Variants in ZFYVE1 observed in about 807,000 individuals in gnomAD.
ZFYVE1 encodes zinc finger FYVE-type containing 1.
In ZFYVE1, 30 loss-of-function variants were observed where a neutral mutation model predicts 74.4. The observed-to-expected ratio is 0.40, with a 90% CI of 0.30 to 0.55. The LOEUF is 0.55. Ranked by LOEUF, ZFYVE1 falls within the 20% of genes least tolerant of loss-of-function variation. The probability of loss-of-function intolerance (pLI) is 0.42; values close to 1 mark genes in which losing one functional copy is unlikely to be tolerated. For synonymous variants in ZFYVE1, 335 were observed against 385.1 expected (o/e 0.87, Z 1.52); for missense variants, 703 against 1,011.6 (o/e 0.69, Z 4.14).
intron 2 of ZFYVE1, 48 bp downstream of exon 2, chr14:73,023,978 A>G: frequency 6.3e-7 from 1 of 1,577,730 alleles, no homozygotes. Flanking sequence ...GCTTCCAACA[A>G]CAGATCTGCT....
intron 4 of ZFYVE1, 63 bp from the exon 5 acceptor site, chr14:72,981,958 C>G: frequency 1.4e-6 from 2 of 1,396,298 alleles, no homozygotes; most frequent in Non-Finnish European, 2.0e-6. Context: ...TTTGGCCCCC[C>G]ACTGCAGGCA....
intron 2 of ZFYVE1, among the ~76,000 whole-genome samples, chr14:73,003,519 T>C (rs562855090): frequency 6.6e-6 from 1 of 152,244 alleles, no homozygotes; most frequent in South Asian, 2.1e-4. Flanking sequence ...CAAGACTACC[T>C]TAAGCAACAT....
chr14:72,986,597 T>A (rs1893487996), intron 4 of ZFYVE1, among the ~76,000 whole-genome samples: 2 of 150,222 alleles, frequency 1.3e-5, no homozygotes, highest in African/African-American at 4.9e-5. Context: ...AGTCTCGCTC[T>A]ATCACCCAGG....
intron 2 of ZFYVE1, among the ~76,000 whole-genome samples, chr14:73,012,733 CTGAGT>C (rs2140381935): frequency 6.6e-6 from 1 of 152,258 alleles, no homozygotes; most frequent in East Asian, 1.9e-4. Flanking sequence ...GTCATTTAAT[CTGAGT>C]TTTCACTTTA....
chr14:72,979,029 G>T, intron 5 of ZFYVE1, 60 bp from the exon 6 acceptor site: 1 of 1,463,148 alleles, frequency 6.8e-7, no homozygotes, highest in Non-Finnish European at 9.6e-7. Flanking sequence ...CACTTACACA[G>T]AACAGCCTGA....
chr14:73,023,289 A>ATATATAATATATATTATATGTTT (rs1894368876), intron 2 of ZFYVE1, among the ~76,000 whole-genome samples: 4 of 106,572 alleles, frequency 3.8e-5, no homozygotes, highest in Non-Finnish European at 7.3e-5. Flanking sequence ...TATATGTTTT[A>ATATATAATATATATTATATGTTT]TATATAATAT....
chr14:73,012,022 C>T (rs1422101009), intron 2 of ZFYVE1, among the ~76,000 whole-genome samples: 1 of 151,578 alleles, frequency 6.6e-6, no homozygotes, highest in Non-Finnish European at 1.5e-5. Context: ...TTGAGACCAG[C>T]CTGGGCAACA....
chr14:73,013,306 T>C (rs1567362075), intron 2 of ZFYVE1, among the ~76,000 whole-genome samples: 1 of 152,136 alleles, frequency 6.6e-6, no homozygotes, highest in Non-Finnish European at 1.5e-5. Flanking sequence ...CCAAAAGCCA[T>C]TGAGAAGAGG....
rs1893313874 is a variant in ZFYVE1 at position 72,980,930 on chromosome 14, G to A, written c.1310+859C>T. Among the ~76,000 whole-genome samples, 3 of 152,220 alleles carry A rather than the reference G, an allele frequency of 2.0e-5. No homozygotes were observed. In the South Asian group the frequency reaches 6.2e-4, roughly 32 times the overall value. ...ACCTACTGAATTAGAAACTGTGGAG[G>A]GGGCACCCAGTGATCCTGCCCTTCA... On this transcript the variant is annotated intron_variant, in intron 5 of 11. Coordinates refer to ENST00000556143, the MANE Select transcript of ZFYVE1 (RefSeq NM_021260.4).
chr14:73,002,254 T>TGCTAGAG (rs71109778), intron 2 of ZFYVE1, among the ~76,000 whole-genome samples: 45,362 of 151,608 alleles, frequency 0.3, 7,114 homozygotes, highest in Middle Eastern at 0.38. Context: ...GATTAGTGGT[T>TGCTAGAG]GCTAGAGGAA....
intron 2 of ZFYVE1, among the ~76,000 whole-genome samples, chr14:73,019,899 C>T (rs535901116): frequency 8.0e-4 from 120 of 150,876 alleles, no homozygotes; most frequent in Non-Finnish European, 1.3e-3. Flanking sequence ...TGCAGTGAGC[C>T]GAGATCACAC....
chr14:73,002,856 C>T (rs1417977021), intron 2 of ZFYVE1, among the ~76,000 whole-genome samples: 2 of 151,352 alleles, frequency 1.3e-5, no homozygotes, highest in African/African-American at 4.9e-5. Context: ...ATTCTCCTGC[C>T]TCAGCCTCCA....
At chr14:72,989,825 AG>A (rs1208442619) in intron 4 of ZFYVE1, among the ~76,000 whole-genome samples, 1 of 152,146 alleles carries the variant, frequency 6.6e-6, no homozygotes, top group Non-Finnish European at 1.5e-5. Flanking sequence ...AAAGAAAAAA[AG>A]AAAGAAAAAA....
intron 10 of ZFYVE1, 21 bp downstream of exon 10, chr14:72,974,758 A>C (rs1458567021): frequency 3.8e-6 from 6 of 1,582,588 alleles, no homozygotes; most frequent in Non-Finnish European, 5.2e-6. Flanking sequence ...CCACCCCTGC[A>C]GCTCCCAGGT....
intron 3 of ZFYVE1, 21 bp downstream of exon 3, chr14:72,997,790 A>T: frequency 6.4e-7 from 1 of 1,560,124 alleles, no homozygotes; most frequent in South Asian, 1.2e-5. Context: ...TTGAGCTGTG[A>T]CACTGTACCC....
rs930984405 is a variant in ZFYVE1, at chr14:72,982,513, T to C, written c.1204-618A>G. ...CAAAATAAATGCCAAGAAGATAACA[T>C]ATCCACAAAGCAAACTGAAAATTTC... On this transcript the variant is annotated intron_variant, in intron 4 of 11. Coordinates refer to ENST00000556143, the MANE Select transcript of ZFYVE1 (RefSeq NM_021260.4). Among the ~76,000 whole-genome samples the C allele has an allele frequency of 7.9e-5, 12 of 152,262 alleles. No individual in the cohort carries two copies. In the South Asian group the frequency reaches 2.1e-3, roughly 26 times the overall value.
chr14:73,003,571 G>A (rs1438010694), intron 2 of ZFYVE1, among the ~76,000 whole-genome samples: 24 of 152,104 alleles, frequency 1.6e-4, no homozygotes, highest in Non-Finnish European at 2.8e-4. Context: ...TTAGCTGGGC[G>A]TAGTGGTTCA....
chr14:72,984,397 C>T (rs1410884351), intron 4 of ZFYVE1, among the ~76,000 whole-genome samples: 2 of 151,822 alleles, frequency 1.3e-5, no homozygotes, highest in Non-Finnish European at 2.9e-5. Context: ...GGCGTGGTGG[C>T]GGGCGCCTGT....
At chr14:73,026,131 C>T (rs1283053588) in intron 1 of ZFYVE1, among the ~76,000 whole-genome samples, 1 of 141,396 alleles carries the variant, frequency 7.1e-6, no homozygotes, top group Non-Finnish European at 1.5e-5. Flanking sequence ...CTTTCACTAA[C>T]TGAAAAAAAA....
Sources: allele counts gnomAD v4.1 joint callset (sites outside exome capture counted in the v4.1 genomes callset), GRCh38; gene constraint gnomAD v4.1.1; transcripts MANE v1.5; gene names NCBI Gene and HGNC (gene_info 2026-07-23, HGNC 2026-07-21).